ZNF559: variants seen among roughly 807,000 people sequenced by gnomAD.
ZNF559 encodes the protein zinc finger protein 559.
A neutral mutation model predicts 14.2 loss-of-function variants in ZNF559; 17 were observed. The ratio of observed to expected loss-of-function variants is 1.20; its 90% CI spans 0.82 to 1.80. ZNF559 has a LOEUF of 1.80. ZNF559 is among the 40% of genes most tolerant of loss of function. The pLI, the probability that ZNF559 is intolerant of heterozygous loss-of-function variation, is 0.00. For synonymous variants in ZNF559, 244 were observed against 212.4 expected (o/e 1.15, Z -1.29); for missense variants, 740 against 629.7 (o/e 1.18, Z -1.88).
At chr19:9,335,863 A>G (rs2067209102) in intron 2 of ZNF559, among the ~76,000 whole-genome samples, 1 of 152,248 alleles carries the variant, frequency 6.6e-6, no homozygotes, top group African/African-American at 2.4e-5. Flanking sequence ...ACCTATGAAT[A>G]TTAAAAGAAA....
intron 2 of ZNF559, among the ~76,000 whole-genome samples, chr19:9,331,378 C>T (rs974800274): frequency 1.3e-5 from 2 of 152,144 alleles, no homozygotes; most frequent in Admixed American, 6.5e-5. Flanking sequence ...AGCCACTACG[C>T]CTAGCTTCCT....
chr19:9,325,877 C>G (rs1048910025), intron 2 of ZNF559, among the ~76,000 whole-genome samples: 3 of 151,906 alleles, frequency 2.0e-5, no homozygotes, highest in African/African-American at 7.3e-5. Context: ...TTATCATGAG[C>G]CATTTAAATT....
Position 9,324,489 on chromosome 19 carries a change from C to A in ZNF559, c.-205-206C>A, listed in dbSNP as rs990191057. ...GCACGGCCTTTCCATTTTCCCTGCT[C>A]CCCTCTGCAGAAGCCTCATAGGGCC... On this transcript the variant is annotated intron_variant, in intron 1 of 6. Coordinates refer to ENST00000603380, the MANE Select transcript of ZNF559 (RefSeq NM_032497.3). 1.6e-5 allele frequency: 22 copies of A among 1,392,120 alleles called. No homozygotes were observed. The African/African-American group carries it at 2.8e-4, about 18-fold the overall frequency. 86.2% of individuals were successfully genotyped at this position (1,392,120 alleles called of 1,614,324 possible).
At chr19:9,324,644 G>GAAAAA in intron 1 of ZNF559, 51 bp from the exon 2 acceptor site, 1 of 1,052,094 alleles carries the variant, frequency 9.5e-7, no homozygotes, top group Non-Finnish European at 1.3e-6. Flanking sequence ...ATCTCTAATG[G>GAAAAA]AAAAAAAAAA....
rs748471579 is a variant in ZNF559, at chr19:9,342,420, A to C, written c.969A>C (p.Lys323Asn). ...NIHIRVHTGE[K>N]PYECNKCGKA... ...ACATAAGGGTTCACACTGGAGAAAAACCGTATGAGTGCAACAAATGTGGGA... is the reference window on the plus strand; with the variant it reads ...ACATAAGGGTTCACACTGGAGAAAACCCGTATGAGTGCAACAAATGTGGGA... Residue 323 changes from lysine to asparagine, a missense_variant, in exon 7 of 7, where the codon AAA (lysine) becomes AAC (asparagine). By Grantham distance (94) the Lys-to-Asn change is moderately conservative (BLOSUM62 0). Coordinates refer to ENST00000603380, the MANE Select transcript of ZNF559 (RefSeq NM_032497.3). The C allele has an allele frequency of 6.2e-7, 1 of 1,614,096 alleles. No homozygotes were observed.
upstream of ZNF559, chr19:9,323,961 C>T (rs1340980543): frequency 7.0e-6 from 4 of 574,810 alleles, no homozygotes; most frequent in East Asian, 5.7e-5. Context: ...CTTTGCTGGG[C>T]GTTTTGTCTA....
rs145426974 is a variant in ZNF559 at position 9,339,226 on chromosome 19, T to C, written c.67T>C (p.Phe23Leu). The change falls in exon 5 of 7, where the codon TTC becomes CTC. Residue 23 changes from phenylalanine to leucine, a missense_variant. Phe to Leu is a conservative substitution (Grantham distance 22). Transcript: ENST00000603380. ...GACCTTTGAGGATGTGGCTGTGGAC[T>C]TCACCCAGGAGGAGTGGACTTTGCT... Reference protein sequence around the residue: ...SVTFEDVAVDFTQEEWTLLDQ... With the variant: ...SVTFEDVAVDLTQEEWTLLDQ... 3.7e-6 allele frequency: 6 copies of C among 1,613,878 alleles called. No homozygotes were observed. The African/African-American group carries it at 8.0e-5, about 22-fold the overall frequency.
At position 9,345,008 on chromosome 19, in the gene ZNF559, T is replaced by C. The variant is rs2067699254; in HGVS notation, c.*1940T>C. 1 of 150,762 alleles carries C rather than the reference T, an allele frequency of 6.6e-6. No individual in the cohort carries two copies. Among genetic ancestry groups the C allele is most frequent in the African/African-American group, 2.4e-5 (1 of 41,454 alleles). The allele number at this position is 150,762 out of a possible 1,614,324, so 9.3% of individuals were successfully genotyped here. The stretch of plus-strand genomic sequence containing the variant: ...CATGCCCTTTTATAATTTCTTCTTC[T>C]CCTCACCCTTCCCTGCCTGTCACTC... On this transcript the variant is annotated 3_prime_UTR_variant, in exon 7 of 7. Transcript: ENST00000603380.
At chr19:9,335,151 A>G (rs1289929507) in intron 2 of ZNF559, among the ~76,000 whole-genome samples, 1 of 150,942 alleles carries the variant, frequency 6.6e-6, no homozygotes, top group East Asian at 1.9e-4. Flanking sequence ...AAAAAAAAAA[A>G]AATTAGCTGG....
intron 2 of ZNF559, among the ~76,000 whole-genome samples, chr19:9,327,803 G>A (rs771784875): frequency 5.3e-5 from 8 of 151,340 alleles, no homozygotes; most frequent in Non-Finnish European, 1.2e-4. Context: ...CATTCGTATT[G>A]ATGCTCAAAC....
rs114404773 is a variant in ZNF559 at position 9,333,663 on chromosome 19, C to T, written c.-119-4133C>T. ...AAGATTGTGCCTACTGCACCTCATCCTGGGCAACAGAACAGGGCCCTGTCC... is the reference window on the plus strand; with the variant it reads ...AAGATTGTGCCTACTGCACCTCATCTTGGGCAACAGAACAGGGCCCTGTCC... On this transcript the variant is annotated intron_variant, in intron 2 of 6. Coordinates refer to ENST00000603380, the MANE Select transcript of ZNF559 (RefSeq NM_032497.3). 1.9e-3 allele frequency among the ~76,000 whole-genome samples: 291 copies of T among 152,132 alleles called. 3 individuals carry two copies. Among genetic ancestry groups the T allele is most frequent in the African/African-American group, 6.8e-3 (281 of 41,498 alleles).
intron 2 of ZNF559, among the ~76,000 whole-genome samples, chr19:9,337,067 A>G (rs2067278487): frequency 6.6e-6 from 1 of 152,202 alleles, no homozygotes; most frequent in Non-Finnish European, 1.5e-5. Flanking sequence ...TTCTCCTAGT[A>G]AAAGTGTGTA....
In ZNF559 at chr19:9,324,752, C is replaced by T. The variant is rs1034013895; in HGVS notation, c.-148C>T. The T allele has an allele frequency of 6.1e-5, 93 of 1,535,838 alleles. No homozygotes were observed. The highest frequency in any genetic ancestry group is 7.0e-5 in the Non-Finnish European group (80 of 1,146,854). The stretch of plus-strand genomic sequence containing the variant: ...CCTTCGCTTGGTGTCCTCCTGGCCT[C>T]AGCAACCTGACAATTCTGTCGTGTC... On this transcript the variant is annotated 5_prime_UTR_variant, in exon 2 of 7. Transcript: ENST00000603380.
chr19:9,324,713 C>A lies in ZNF559; in HGVS notation c.-187C>A. 1.3e-6 allele frequency: 2 copies of A among 1,535,492 alleles called. No homozygotes were observed. The highest frequency in any genetic ancestry group is 4.9e-5 in the East Asian group (2 of 40,886). On this transcript the variant is annotated 5_prime_UTR_variant, in exon 2 of 7. Transcript: ENST00000603380. ...CTATAAGGAACAGCATCTCTGCCTT[C>A]CTGTTCACGGTGACCTTCGCTTGGT...
chr19:9,324,516 G>T, intron 1 of ZNF559, 179 bp from the exon 2 acceptor site: 1 of 1,298,136 alleles, frequency 7.7e-7, no homozygotes, highest in Non-Finnish European at 1.0e-6. Context: ...CATAGGGCCC[G>T]GCGCGGCGGC....
At chr19:9,331,155 T>A (rs532347975) in intron 2 of ZNF559, among the ~76,000 whole-genome samples, 18 of 152,324 alleles carry the variant, frequency 1.2e-4, no homozygotes, top group African/African-American at 4.3e-4. Context: ...CACCTTAGTA[T>A]GAGGCAAGAT....
At chr19:9,332,033 T>G (rs956939539) in intron 2 of ZNF559, among the ~76,000 whole-genome samples, 17 of 152,318 alleles carry the variant, frequency 1.1e-4, no homozygotes, top group African/African-American at 4.1e-4. Flanking sequence ...CAATATGGTT[T>G]TGTTATTCAT....
In ZNF559 at chr19:9,341,518, G is replaced by A. The variant is rs190002013; in HGVS notation, c.244-177G>A. 6,296 of 1,164,972 alleles carry A rather than the reference G, an allele frequency of 5.4e-3. 28 individuals carry two copies. The highest frequency in any genetic ancestry group is 6.2e-3 in the Non-Finnish European group (5,074 of 814,472). The allele number at this position is 1,164,972 out of a possible 1,614,324, so 72.2% of individuals were successfully genotyped here. The stretch of plus-strand genomic sequence containing the variant: ...TAACAGAACTTCCTGCAGTCACTTT[G>A]TTCCACTTGAAAACACTCAGGTCTG... On this transcript the variant is annotated intron_variant, in intron 6 of 6. Transcript: ENST00000603380.
rs2066485371 is a variant in ZNF559 at position 9,324,777 on chromosome 19, C to T, written c.-123C>T. 2.0e-6 allele frequency: 3 copies of T among 1,535,894 alleles called. No individual in the cohort carries two copies. On this transcript the variant is annotated 5_prime_UTR_variant, in exon 2 of 7. Coordinates refer to ENST00000603380, the MANE Select transcript of ZNF559 (RefSeq NM_032497.3). ...CAGCAACCTGACAATTCTGTCGTGTCCCGGTGAGCACTTCATGCACTTGTT... is the reference window on the plus strand; with the variant it reads ...CAGCAACCTGACAATTCTGTCGTGTTCCGGTGAGCACTTCATGCACTTGTT...
Sources: gnomAD v4.1 joint callset for allele counts (sites outside exome capture counted in the v4.1 genomes callset) on GRCh38, gnomAD v4.1.1 for gene constraint, MANE v1.5 for transcripts, NCBI Gene and HGNC (gene_info 2026-07-23, HGNC 2026-07-21) for gene names.